Variants in N4BP2L2 observed in about 807,000 individuals in gnomAD.
N4BP2L2 encodes the protein NEDD4 binding protein 2 like 2.
In N4BP2L2, 50 loss-of-function variants were observed where a neutral mutation model predicts 56.2. The observed-to-expected ratio is 0.89, with a 90% CI of 0.71 to 1.13. N4BP2L2 has a LOEUF of 1.13. N4BP2L2 is among the 50% of genes most tolerant of loss of function. The pLI is 0.00. For synonymous variants in N4BP2L2, 203 were observed against 223.6 expected (o/e 0.91, Z 0.82); for missense variants, 689 against 693.8 (o/e 0.99, Z 0.08).
chr13:32,482,305 A>G (rs1028199241), intron 6 of N4BP2L2, among the ~76,000 whole-genome samples: 10 of 152,184 alleles, frequency 6.6e-5, no homozygotes, highest in African/African-American at 2.4e-4. Context: ...GACTGTATAC[A>G]ATGAATTGTT....
chr13:32,502,061 A>ATTT (rs368621196), intron 6 of N4BP2L2, among the ~76,000 whole-genome samples: 3 of 125,414 alleles, frequency 2.4e-5, no homozygotes, highest in Non-Finnish European at 5.0e-5. Context: ...CTACTACAGC[A>ATTT]TTTTTTTTTT....
intron 6 of N4BP2L2, among the ~76,000 whole-genome samples, chr13:32,495,688 CCT>C (rs1357130879): frequency 6.6e-6 from 1 of 151,924 alleles, no homozygotes; most frequent in Non-Finnish European, 1.5e-5. Context: ...ATGCCCGCTG[CCT>C]CTTTTTTTTT....
At chr13:32,440,012 C>T (rs1271553878) in intron 7 of N4BP2L2, among the ~76,000 whole-genome samples, 2 of 141,278 alleles carry the variant, frequency 1.4e-5, no homozygotes, top group South Asian at 4.5e-4. Context: ...GGTGGCAGAG[C>T]GAGACTCCGT....
exon 2 of N4BP2L2, chr13:32,536,524 A>C: frequency 1.2e-6 from 2 of 1,613,888 alleles, no homozygotes; most frequent in Non-Finnish European, 1.7e-6. Flanking sequence ...ATTCATTGTC[A>C]ATCTCTGATT....
rs2057234296 is a variant in N4BP2L2 at position 32,538,611 on chromosome 13, T to C, written c.-1+7A>G. The C allele has an allele frequency of 3.0e-6, 3 of 985,296 alleles. No homozygotes were observed. The highest frequency in any genetic ancestry group is 1.2e-4 in the Admixed American group (2 of 16,270). 61.0% of individuals were successfully genotyped at this position (985,296 alleles called of 1,614,324 possible). On this transcript the variant is annotated splice_region_variant and intron_variant, in intron 1 of 5. Coordinates refer to ENST00000267068, the Ensembl canonical transcript of N4BP2L2. ...CCACCCTCACCTAAAACGGGGTGTCTACTCACCTTACTCTACCCCTACGCA... is the reference window on the plus strand; with the variant it reads ...CCACCCTCACCTAAAACGGGGTGTCCACTCACCTTACTCTACCCCTACGCA...
chr13:32,509,304 A>C (rs1408905730), downstream of N4BP2L2: 1 of 152,236 alleles, frequency 6.6e-6, no homozygotes, highest in Non-Finnish European at 1.5e-5. Context: ...AGATATGCTC[A>C]ATCAGTAGGT....
At position 32,500,569 on chromosome 13, in the gene N4BP2L2, A is replaced by AAAAT. The variant is rs1555265131; in HGVS notation, c.365+17287_365+17288insATTT. Among the ~76,000 whole-genome samples, 69 of 134,666 alleles carry AAAAT rather than the reference A, an allele frequency of 5.1e-4. 1 individual carries two copies. Among genetic ancestry groups the AAAAT allele is most frequent in the African/African-American group, 1.2e-3 (43 of 36,740 alleles). 88.3% of individuals were successfully genotyped at this position (134,666 alleles called of 152,430 possible). A position where few individuals can be genotyped will look rare whatever the true frequency, so the allele number is the denominator to read the frequency against. On this transcript the variant is annotated intron_variant, in intron 6 of 9. Transcript: ENST00000357505. Reference sequence around the variant, plus strand: ...TACAAAAAAAAAAAAAAAAAAAAAAATAGCCAGGCATGGTGGCACATGCCT... The same window carrying AAAAT: ...TACAAAAAAAAAAAAAAAAAAAAAAAAAATTAGCCAGGCATGGTGGCACATGCCT...
chr13:32,492,914 C>CTTT (rs2087513613), intron 6 of N4BP2L2, among the ~76,000 whole-genome samples: 2 of 96,788 alleles, frequency 2.1e-5, no homozygotes, highest in Non-Finnish European at 4.1e-5. Context: ...TGTAGCTTTT[C>CTTT]TGTTTTTTTT....
In N4BP2L2 at chr13:32,522,287, A is replaced by T. The variant is rs59006905; in HGVS notation, c.1385-17T>A. 16,140 of 1,443,766 alleles carry T rather than the reference A, an allele frequency of 0.011. 1,483 individuals carry two copies. The African/African-American group carries it at 0.2, about 18-fold the overall frequency. 89.4% of individuals were successfully genotyped at this position (1,443,766 alleles called of 1,614,324 possible). A position where few individuals can be genotyped will look rare whatever the true frequency, so the allele number is the denominator to read the frequency against. On this transcript the variant is annotated splice_polypyrimidine_tract_variant and intron_variant, in intron 3 of 5. Coordinates refer to ENST00000267068, the Ensembl canonical transcript of N4BP2L2. ...CTTGTTTTGCTGAAATAAAATATAAATTTAAAAATAAAAAAACAAATTAGG... is the reference window on the plus strand; with the variant it reads ...CTTGTTTTGCTGAAATAAAATATAATTTTAAAAATAAAAAAACAAATTAGG...
chr13:32,470,204 G>C (rs984359732), intron 6 of N4BP2L2, among the ~76,000 whole-genome samples: 1 of 152,202 alleles, frequency 6.6e-6, no homozygotes, highest in Non-Finnish European at 1.5e-5. Flanking sequence ...TGGACCGCTT[G>C]ACAATGGAAC....
chr13:32,504,179 G>A (rs2090521219), intron 6 of N4BP2L2, among the ~76,000 whole-genome samples: 2 of 152,196 alleles, frequency 1.3e-5, no homozygotes, highest in African/African-American at 4.8e-5. Flanking sequence ...AGGAACTGCA[G>A]AAAAGAAGGA....
At chr13:32,472,423 T>C (rs1388042975) in intron 6 of N4BP2L2, among the ~76,000 whole-genome samples, 1 of 152,226 alleles carries the variant, frequency 6.6e-6, no homozygotes, top group Non-Finnish European at 1.5e-5. Flanking sequence ...GTTATTTTTC[T>C]TCATATATAA....
At chr13:32,444,205 A>T in intron 6 of N4BP2L2, 1 of 1,105,770 alleles carries the variant, frequency 9.0e-7, no homozygotes, top group Non-Finnish European at 1.2e-6. Flanking sequence ...CATACTCTTC[A>T]TGTGCAGGTT....
At chr13:32,499,069 C>CT (rs1178301436) in intron 6 of N4BP2L2, among the ~76,000 whole-genome samples, 1 of 151,580 alleles carries the variant, frequency 6.6e-6, no homozygotes, top group East Asian at 1.9e-4. Context: ...TTTCTTGCCT[C>CT]TAAGCCTTTG....
chr13:32,519,726 T>C (rs1477817889), intron 5 of N4BP2L2, among the ~76,000 whole-genome samples: 1 of 151,876 alleles, frequency 6.6e-6, no homozygotes, highest in African/African-American at 2.4e-5. Context: ...TCAAAAAATG[T>C]TTTTTAATTT....
intron 6 of N4BP2L2, among the ~76,000 whole-genome samples, chr13:32,498,326 A>T (rs1196354981): frequency 1.3e-5 from 2 of 151,854 alleles, no homozygotes; most frequent in African/African-American, 4.8e-5. Flanking sequence ...GTATTTTAAA[A>T]TTTTTTGTAA....
chr13:32,535,281 T>C (rs1040111635), intron 2 of N4BP2L2, among the ~76,000 whole-genome samples: 1 of 152,216 alleles, frequency 6.6e-6, no homozygotes, highest in Non-Finnish European at 1.5e-5. Context: ...TTTCTAACAC[T>C]GAGTCCAACT....
chr13:32,501,366 G>A (rs541684716), intron 6 of N4BP2L2, among the ~76,000 whole-genome samples: 1 of 151,946 alleles, frequency 6.6e-6, no homozygotes, highest in East Asian at 1.9e-4. Context: ...ATGTCTCCAT[G>A]AAAACCGAGA....
At chr13:32,532,262 A>C (rs974265046) in intron 2 of N4BP2L2, among the ~76,000 whole-genome samples, 4 of 152,138 alleles carry the variant, frequency 2.6e-5, no homozygotes, top group Admixed American at 6.6e-5. Flanking sequence ...ACAACAAAAA[A>C]CTAATTTCTT....
Sources: allele counts gnomAD v4.1 joint callset (sites outside exome capture counted in the v4.1 genomes callset), GRCh38; gene constraint gnomAD v4.1.1; transcripts MANE v1.5; gene names NCBI Gene and HGNC (gene_info 2026-07-23, HGNC 2026-07-21).